Variants in GMFB observed in about 807,000 individuals in gnomAD.
GMFB encodes GMF-beta.
A neutral mutation model predicts 25.6 loss-of-function variants in GMFB; 13 were observed. The ratio of observed to expected loss-of-function variants is 0.51; its 90% CI spans 0.33 to 0.81. The LOEUF (loss-of-function observed/expected upper bound fraction) is 0.81, where lower values mean the gene tolerates loss of function less well. GMFB is among the 30% of genes least tolerant of loss of function. The pLI, the probability that GMFB is intolerant of heterozygous loss-of-function variation, is 0.02. For synonymous variants in GMFB, 57 were observed against 56.9 expected, an observed-to-expected ratio of 1.00 and a Z score of 0.00; for missense variants, 146 against 175.4, an observed-to-expected ratio of 0.83 and a Z score of 0.95.
At chr14:54,483,847 TATAATGC>T in intron 1 of GMFB, 80 bp from the exon 2 acceptor site, 1 of 782,196 alleles carries the variant, frequency 1.3e-6, no homozygotes. Flanking sequence ...CTAATACCTT[TATAATGC>T]ATACTGACAT....
chr14:54,478,162 TTA>T lies in GMFB; in HGVS notation c.358-5_358-4del. 4 of 1,218,840 alleles carry T rather than the reference TTA, an allele frequency of 3.3e-6. No individual in the cohort carries two copies. The highest frequency in any genetic ancestry group is 2.6e-5 in the East Asian group (1 of 38,012). 75.5% of individuals were successfully genotyped at this position (1,218,840 alleles called of 1,614,324 possible). On this transcript the variant is annotated splice_polypyrimidine_tract_variant and splice_region_variant and intron_variant, in intron 6 of 6. Coordinates refer to ENST00000358056, the MANE Select transcript of GMFB (RefSeq NM_004124.3). Reference sequence around the variant, plus strand: ...TCGGTATTTCTTATTTCAAATACCTTTAAAAAAAAAAAAAACTTGGGTCATAC... The same window carrying T: ...TCGGTATTTCTTATTTCAAATACCTTAAAAAAAAAAAAACTTGGGTCATAC...
intron 1 of GMFB, chr14:54,484,050 T>C (rs1483281579): frequency 2.0e-6 from 1 of 504,496 alleles, no homozygotes; most frequent in Non-Finnish European, 3.7e-6. Flanking sequence ...TAATGTGCAA[T>C]GTCATCAGAA....
rs911007831 is a variant in GMFB at position 54,478,007 on chromosome 14, T to C, written c.*81A>G. 2.2e-5 allele frequency: 14 copies of C among 635,504 alleles called. No homozygotes were observed. Among genetic ancestry groups the C allele is most frequent in the Non-Finnish European group, 3.5e-5 (13 of 371,494 alleles). 39.4% of individuals were successfully genotyped at this position (635,504 alleles called of 1,614,324 possible). Reference sequence around the variant, plus strand: ...ACAAACTGTAAGTAACAGTGCATTTTTAGGCATAAATAAGTATTTATGTCT... The same window carrying C: ...ACAAACTGTAAGTAACAGTGCATTTCTAGGCATAAATAAGTATTTATGTCT... On this transcript the variant is annotated 3_prime_UTR_variant, in exon 7 of 7. Transcript: ENST00000358056.
At chr14:54,488,703 G>T in intron 1 of GMFB, 1 of 489,326 alleles carries the variant, frequency 2.0e-6, no homozygotes, top group Non-Finnish European at 3.6e-6. Context: ...GGCCCGCTGG[G>T]CGGGTCCACC....
rs529566331 is a variant in GMFB at position 54,481,542 on chromosome 14, C to T, written c.151-84G>A. The T allele has an allele frequency of 5.5e-5, 46 of 834,898 alleles. No homozygotes were observed. The African/African-American group carries it at 7.3e-4, about 13-fold the overall frequency. 51.7% of individuals were successfully genotyped at this position (834,898 alleles called of 1,614,324 possible). On this transcript the variant is annotated intron_variant, in intron 3 of 6. Transcript: ENST00000358056. ...ATACACCAAGCACCCATTCTACTAA[C>T]AGTTATAAATTTATTACCACATGCT...
chr14:54,488,870 C>T, intron 1 of GMFB, 55 bp downstream of exon 1: 2 of 1,507,570 alleles, frequency 1.3e-6, no homozygotes, highest in Non-Finnish European at 1.8e-6. Flanking sequence ...CCGGGAAAAC[C>T]CGGCTGGCCG....
rs780914827 is a variant in GMFB, at chr14:54,483,700, C to T, written c.71G>A (p.Arg24His). 5.0e-6 allele frequency: 8 copies of T among 1,603,394 alleles called. No homozygotes were observed. Among genetic ancestry groups the T allele is most frequent in the Non-Finnish European group, 6.8e-6 (8 of 1,170,656 alleles). Residue 24 changes from arginine (R) to histidine (H), a missense_variant, in exon 2 of 7, where the codon CGC becomes CAC. Arg to His is a conservative substitution (Grantham distance 29, BLOSUM62 0). Coordinates refer to ENST00000358056, the MANE Select transcript of GMFB (RefSeq NM_004124.3). ...AATAGCAGCGTTGTTCGTTTCTTTG[C>T]GAAAACGAAACTTTCTCAGCTTTTC... is the stretch of plus-strand genomic sequence containing the variant. ...LVEKLRKFRF[R>H]KETNNAAIIM...
At position 54,476,938 on chromosome 14, in the gene GMFB, G is replaced by A. The variant is rs2031647703; in HGVS notation, c.*1150C>T. ...ACCATCATCTAACAAGACTGGTTTAGTTAACTATTCAGGCATCCAGTTCAG... is the reference window on the plus strand; with the variant it reads ...ACCATCATCTAACAAGACTGGTTTAATTAACTATTCAGGCATCCAGTTCAG... On this transcript the variant is annotated 3_prime_UTR_variant, in exon 7 of 7. Coordinates refer to ENST00000358056, the MANE Select transcript of GMFB (RefSeq NM_004124.3). 3 of 152,052 alleles carry A rather than the reference G, an allele frequency of 2.0e-5. No homozygotes were observed. Among genetic ancestry groups the A allele is most frequent in the South Asian group, 4.1e-4 (2 of 4,826 alleles). The allele number at this position is 152,052 out of a possible 1,614,324, so 9.4% of individuals were successfully genotyped here.
chr14:54,476,992 T>C lies in GMFB; in HGVS notation c.*1096A>G, dbSNP rs766091535. On this transcript the variant is annotated 3_prime_UTR_variant, in exon 7 of 7. Coordinates refer to ENST00000358056, the MANE Select transcript of GMFB (RefSeq NM_004124.3). Reference sequence around the variant, plus strand: ...ATCTTCTGACATTTAGGATATAAGATGTGATTGCTATTGAAGTGTTAATGT... The same window carrying C: ...ATCTTCTGACATTTAGGATATAAGACGTGATTGCTATTGAAGTGTTAATGT... 6.6e-6 allele frequency: 1 copy of C among 152,020 alleles called. No individual in the cohort carries two copies. The highest frequency in any genetic ancestry group is 2.4e-5 in the African/African-American group (1 of 41,426). 9.4% of individuals were successfully genotyped at this position (152,020 alleles called of 1,614,324 possible).
chr14:54,482,050 G>A (rs994666088), intron 3 of GMFB, 103 bp downstream of exon 3: 1 of 732,130 alleles, frequency 1.4e-6, no homozygotes, highest in Non-Finnish European at 2.4e-6. Context: ...TGTATTTAAA[G>A]GAGGTTCAAG....
chr14:54,487,098 TAATA>T (rs2031793010), intron 1 of GMFB, among the ~76,000 whole-genome samples: 1 of 152,132 alleles, frequency 6.6e-6, no homozygotes, highest in South Asian at 2.1e-4. Context: ...ATTGAAATAT[TAATA>T]TATAGATCTG....
At position 54,478,063 on chromosome 14, in the gene GMFB, T is replaced by C. The variant is rs752576949; in HGVS notation, c.*25A>G. On this transcript the variant is annotated 3_prime_UTR_variant, in exon 7 of 7. Transcript: ENST00000358056. ...CAGTATGGTCAGGTTAATACATAAATACTTTAGAAACACAGAAGTTCACAT... is the reference window on the plus strand; with the variant it reads ...CAGTATGGTCAGGTTAATACATAAACACTTTAGAAACACAGAAGTTCACAT... The C allele has an allele frequency of 2.7e-6, 3 of 1,096,276 alleles. No individual in the cohort carries two copies. The highest frequency in any genetic ancestry group is 3.2e-5 in the African/African-American group (2 of 62,642). The allele number at this position is 1,096,276 out of a possible 1,614,324, so 67.9% of individuals were successfully genotyped here. A position where few individuals can be genotyped will look rare whatever the true frequency, so the allele number is the denominator to read the frequency against.
chr14:54,485,120 A>G (rs532800361), intron 1 of GMFB, among the ~76,000 whole-genome samples: 2 of 152,308 alleles, frequency 1.3e-5, no homozygotes, highest in African/African-American at 4.8e-5. Flanking sequence ...GGAGTAAAAC[A>G]AGGATGCCCA....
chr14:54,480,697 C>T (rs2031698871), intron 5 of GMFB, 177 bp downstream of exon 5: 1 of 467,706 alleles, frequency 2.1e-6, no homozygotes, highest in South Asian at 4.1e-5. Context: ...AGAGATGATG[C>T]TTCATTCTTT....
chr14:54,487,294 G>A (rs577147181), intron 1 of GMFB, among the ~76,000 whole-genome samples: 21 of 147,964 alleles, frequency 1.4e-4, no homozygotes, highest in African/African-American at 5.1e-4. Context: ...CACTTTGGGA[G>A]GCCGAGGCAG....
chr14:54,483,692 T>C lies in GMFB; in HGVS notation c.79A>G (p.Thr27Ala), dbSNP rs779862449. ...TTACTTATAATAGCAGCGTTGTTCG[T>C]TTCTTTGCGAAAACGAAACTTTCTC... ...KLRKFRFRKE[T>A]NNAAIIMKID... is the part of the protein sequence containing the mutation. Residue 27 changes from threonine (T) to alanine (A), a missense_variant, in exon 2 of 7, where the codon ACG (threonine) becomes GCG (alanine). Physicochemically the swap from Thr to Ala is moderately conservative, Grantham distance 58 (BLOSUM62 0). Transcript: ENST00000358056. 1 of 1,596,792 alleles carries C rather than the reference T, an allele frequency of 6.3e-7. No homozygotes were observed. Among genetic ancestry groups the C allele is most frequent in the South Asian group, 1.1e-5 (1 of 90,598 alleles).
At chr14:54,482,553 G>T (rs937446303) in intron 2 of GMFB, among the ~76,000 whole-genome samples, 1 of 152,168 alleles carries the variant, frequency 6.6e-6, no homozygotes, top group Non-Finnish European at 1.5e-5. Flanking sequence ...TGGTCTATAT[G>T]CAACATGGTC....
Position 54,476,897 on chromosome 14 carries a change from G to A in GMFB, c.*1191C>T, listed in dbSNP as rs1488362714. 2 of 151,820 alleles carry A rather than the reference G, an allele frequency of 1.3e-5. No homozygotes were observed. The highest frequency in any genetic ancestry group is 2.4e-5 in the African/African-American group (1 of 41,354). 9.4% of individuals were successfully genotyped at this position (151,820 alleles called of 1,614,324 possible). On this transcript the variant is annotated 3_prime_UTR_variant, in exon 7 of 7. Coordinates refer to ENST00000358056, the MANE Select transcript of GMFB (RefSeq NM_004124.3). ...AAGTATGCCAAATATCAGAATCCTC[G>A]CTTTATGCCAAGAGTACCATCATCT...
At chr14:54,479,760 A>T (rs1222519736) in intron 6 of GMFB, 26 bp downstream of exon 6, 7 of 1,381,780 alleles carry the variant, frequency 5.1e-6, no homozygotes, top group Non-Finnish European at 7.2e-6. Flanking sequence ...TATTGTCTCA[A>T]CAAGTCAGTC....
Sources: gnomAD v4.1 joint callset for allele counts (sites outside exome capture counted in the v4.1 genomes callset) on GRCh38, gnomAD v4.1.1 for gene constraint, MANE v1.5 for transcripts, NCBI Gene and HGNC (gene_info 2026-07-23, HGNC 2026-07-21) for gene names.